Variants in LTA4H observed in about 807,000 individuals in gnomAD.
The protein encoded by LTA4H is leukotriene A-4 hydrolase.
A neutral mutation model predicts 89.8 loss-of-function variants in LTA4H; 59 were observed. That is an observed-to-expected ratio of 0.66 (90% CI 0.53 to 0.82). The LOEUF is 0.82. LTA4H is among the 40% of genes least tolerant of loss of function. The pLI is 0.00. For missense variants in LTA4H, 617 were observed against 727.0 expected (o/e 0.85, Z 1.74); for synonymous variants, 227 against 253.1 (o/e 0.90, Z 0.98).
intron 1 of LTA4H, 131 bp from the exon 2 acceptor site, chr12:96,029,316 G>C: frequency 2.1e-6 from 1 of 484,684 alleles, no homozygotes; most frequent in Non-Finnish European, 3.5e-6. Context: ...GAATTGAAGA[G>C]TCAAAAGCTA....
chr12:96,032,219 T>G (rs2660898), intron 1 of LTA4H, among the ~76,000 whole-genome samples: 45,990 of 152,156 alleles, frequency 0.3, 7,244 homozygotes, highest in East Asian at 0.42. Context: ...ACCCAAAACT[T>G]GAAAAGAATT....
chr12:96,008,972 T>C lies in LTA4H; in HGVS notation c.1434+122A>G, dbSNP rs1181329076. The C allele has an allele frequency of 8.1e-6, 6 of 744,736 alleles. No homozygotes were observed. In the African/African-American group the frequency reaches 8.8e-5, roughly 11 times the overall value. 46.1% of individuals were successfully genotyped at this position (744,736 alleles called of 1,614,324 possible). A position where few individuals can be genotyped will look rare whatever the true frequency, so the allele number is the denominator to read the frequency against. ...GATATAATATCACCTTAGATAAACC[T>C]GACTTTCAAATAGCCTTTCCAAATA... On this transcript the variant is annotated intron_variant, in intron 15 of 18. Coordinates refer to ENST00000228740, the MANE Select transcript of LTA4H (RefSeq NM_000895.3).
chr12:96,020,505 T>C (rs1950441246), intron 6 of LTA4H, among the ~76,000 whole-genome samples: 2 of 152,194 alleles, frequency 1.3e-5, no homozygotes, highest in Non-Finnish European at 2.9e-5. Flanking sequence ...TATTGTTTAA[T>C]TGGTGCAGAG....
rs1455180154 is a variant in LTA4H at position 96,017,110 on chromosome 12, A to G, written c.881T>C (p.Ile294Thr). 1.9e-6 allele frequency: 3 copies of G among 1,605,774 alleles called. No homozygotes were observed. In the Admixed American group the frequency reaches 5.0e-5, roughly 27 times the overall value. Reference sequence around the variant, plus strand: ...CCAGCTATGAGATATTTCATGTGCAATGACCTAAAGAAAACAGTGTGATTA... The same window carrying G: ...CCAGCTATGAGATATTTCATGTGCAGTGACCTAAAGAAAACAGTGTGATTA... The part of the protein sequence containing the change: ...LAGDKSLSNV[I>T]AHEISHSWTG... The change falls in exon 10 of 19, where the codon ATT becomes ACT. Residue 294 changes from isoleucine to threonine, a missense_variant. Physicochemically the swap from Ile to Thr is moderately conservative, Grantham distance 89. Transcript: ENST00000228740.
At chr12:96,016,923 A>T in intron 10 of LTA4H, 121 bp downstream of exon 10, 2 of 719,178 alleles carry the variant, frequency 2.8e-6, no homozygotes, top group Non-Finnish European at 4.9e-6. Context: ...ATCCTTGCCT[A>T]CCTAAGAGAT....
At chr12:96,003,246 T>C (rs1392240564) in intron 17 of LTA4H, among the ~76,000 whole-genome samples, 182 bp from the exon 18 acceptor site, 1 of 152,196 alleles carries the variant, frequency 6.6e-6, no homozygotes, top group Non-Finnish European at 1.5e-5. Flanking sequence ...AATTTAATAA[T>C]TGGTGAAGAG....
At chr12:96,031,172 C>G (rs1284162346) in intron 1 of LTA4H, among the ~76,000 whole-genome samples, 1 of 152,168 alleles carries the variant, frequency 6.6e-6, no homozygotes, top group Non-Finnish European at 1.5e-5. Flanking sequence ...TCCTATAATA[C>G]TTACTGTACT....
intron 2 of LTA4H, 77 bp downstream of exon 2, chr12:96,028,978 G>GA (rs199908063): frequency 7.9e-7 from 1 of 1,260,504 alleles, no homozygotes; most frequent in Non-Finnish European, 1.1e-6. Flanking sequence ...AATTTAAAAA[G>GA]AAAAAATATT....
At chr12:96,007,257 T>C (rs1247173533) in intron 15 of LTA4H, among the ~76,000 whole-genome samples, 1 of 152,230 alleles carries the variant, frequency 6.6e-6, no homozygotes, top group African/African-American at 2.4e-5. Flanking sequence ...AATACTTCTT[T>C]TCCCTTTACA....
At chr12:96,039,020 T>C (rs567516779), upstream of LTA4H, among the ~76,000 whole-genome samples, 1 of 152,114 alleles carries the variant, frequency 6.6e-6, no homozygotes, top group South Asian at 2.1e-4. Context: ...TTACAAGCAA[T>C]TGGAGTATTA....
rs1451310651 is a variant in LTA4H, at chr12:96,022,233, G to A, written c.499C>T (p.Leu167=). 6.2e-7 allele frequency: 1 copy of A among 1,611,462 alleles called. No individual in the cohort carries two copies. The highest frequency in any genetic ancestry group is 1.3e-5 in the African/African-American group (1 of 74,950). The change falls in exon 5 of 19, where the codon CTG becomes TTG. Residue 167 remains leucine (L), a synonymous_variant. Coordinates refer to ENST00000228740, the MANE Select transcript of LTA4H (RefSeq NM_000895.3). This position sits in a 1 kb window ranked among gnomAD's most constrained non-coding sequence, Gnocchi z 4.0. ...CGAATAGCACTCATAAGTGCCACCAGTTCTTTAGGGACAGACACCTAATCA... is the reference window on the plus strand; with the variant it reads ...CGAATAGCACTCATAAGTGCCACCAATTCTTTAGGGACAGACACCTAATCA... ...YTAEVSVPKE[L]VALMSAIRDG...
upstream of LTA4H, chr12:96,035,751 G>T: frequency 1.8e-6 from 2 of 1,093,002 alleles, no homozygotes; most frequent in South Asian, 1.9e-5. Context: ...CTGGGAGCGT[G>T]TGTGTTAGGG....
At chr12:96,017,417 C>G in intron 9 of LTA4H, 140 bp downstream of exon 9, 2 of 688,854 alleles carry the variant, frequency 2.9e-6, no homozygotes, top group Non-Finnish European at 4.8e-6. Flanking sequence ...TCTATTACAT[C>G]TAATTGTTAA....
intron 3 of LTA4H, among the ~76,000 whole-genome samples, chr12:96,027,020 G>A (rs1163634968): frequency 6.6e-6 from 1 of 152,126 alleles, no homozygotes; most frequent in African/African-American, 2.4e-5. Context: ...AAACTCAATG[G>A]TGGTTACCTC....
chr12:96,009,394 A>T, intron 14 of LTA4H: 1 of 490,582 alleles, frequency 2.0e-6, no homozygotes, highest in Non-Finnish European at 3.6e-6. Context: ...ATGCCAAAGC[A>T]CCTCAGCAAA....
chr12:96,009,336 C>T (rs1950258914), intron 14 of LTA4H, 188 bp from the exon 15 acceptor site: 1 of 560,024 alleles, frequency 1.8e-6, no homozygotes, highest in Non-Finnish European at 3.2e-6. Flanking sequence ...ACTCACAAAC[C>T]CAAATGGATA....
chr12:96,024,908 TC>T (rs1950496834), intron 3 of LTA4H, among the ~76,000 whole-genome samples: 1 of 152,222 alleles, frequency 6.6e-6, no homozygotes, highest in Non-Finnish European at 1.5e-5. Context: ...CTTCAGGTGA[TC>T]TGCCCACCTC....
intron 9 of LTA4H, 70 bp from the exon 10 acceptor site, chr12:96,017,184 C>G: frequency 9.6e-7 from 1 of 1,039,822 alleles, no homozygotes; most frequent in Non-Finnish European, 1.5e-6. Context: ...CTACTGTAAA[C>G]ACTCCATGTT....
chr12:96,019,278 G>A, intron 6 of LTA4H, 38 bp from the exon 7 acceptor site: 2 of 1,533,526 alleles, frequency 1.3e-6, no homozygotes, highest in Non-Finnish European at 1.8e-6. Context: ...AGAAATTCAT[G>A]GCAAATGATT....
Sources: allele counts gnomAD v4.1 joint callset (sites outside exome capture counted in the v4.1 genomes callset), GRCh38; gene constraint gnomAD v4.1.1; non-coding constraint Gnocchi (gnomAD v3.1); transcripts MANE v1.5; gene names NCBI Gene and HGNC (gene_info 2026-07-23, HGNC 2026-07-21).